Variants in SPOCK1 observed in about 807,000 individuals in gnomAD.
The protein encoded by SPOCK1 is testican-1.
Under a neutral mutation model 55.3 loss-of-function variants are expected in SPOCK1, and 23 were observed. That is an observed-to-expected ratio of 0.42 (90% CI 0.30 to 0.59). The LOEUF (loss-of-function observed/expected upper bound fraction) is 0.59, where lower values mean the gene tolerates loss of function less well. SPOCK1 is among the 20% of genes least tolerant of loss of function. The pLI is 0.22. For missense variants in SPOCK1, 499 were observed against 552.5 expected, an observed-to-expected ratio of 0.90 and a Z score of 0.97; for synonymous variants, 226 against 221.0, an observed-to-expected ratio of 1.02 and a Z score of -0.20.
At chr5:137,177,516 A>G (rs1260026464) in intron 3 of SPOCK1, among the ~76,000 whole-genome samples, 2 of 152,158 alleles carry the variant, frequency 1.3e-5, no homozygotes. Flanking sequence ...GGTGGGAATC[A>G]TGCAGTCGTG....
intron 2 of SPOCK1, among the ~76,000 whole-genome samples, chr5:137,473,327 G>A (rs1324924979): frequency 6.6e-6 from 1 of 152,134 alleles, no homozygotes; most frequent in Non-Finnish European, 1.5e-5. Flanking sequence ...CTGTTTCCAT[G>A]TATTGTTAAG....
chr5:137,273,650 A>G (rs560018359), intron 2 of SPOCK1, among the ~76,000 whole-genome samples: 2 of 152,332 alleles, frequency 1.3e-5, no homozygotes, highest in East Asian at 3.9e-4. Flanking sequence ...AGTGATCTAT[A>G]TCATTGCTGC....
chr5:137,278,669 T>C (rs975892058), intron 2 of SPOCK1, among the ~76,000 whole-genome samples: 6 of 152,150 alleles, frequency 3.9e-5, no homozygotes, highest in African/African-American at 1.4e-4. Context: ...TCTGTAATTG[T>C]TGTAACACAA....
chr5:137,046,608 T>G (rs891682146), intron 6 of SPOCK1, among the ~76,000 whole-genome samples: 2 of 81,720 alleles, frequency 2.4e-5, no homozygotes, highest in Non-Finnish European at 4.9e-5. Context: ...ACTTCCTCTT[T>G]TCCTAATTGA....
intron 2 of SPOCK1, among the ~76,000 whole-genome samples, chr5:137,412,524 A>G (rs1752232343): frequency 6.6e-6 from 1 of 152,202 alleles, no homozygotes; most frequent in Non-Finnish European, 1.5e-5. Context: ...GGAGGGACAC[A>G]ATGGAAGCGC....
At chr5:137,430,656 G>C (rs1752724768) in intron 2 of SPOCK1, among the ~76,000 whole-genome samples, 1 of 152,140 alleles carries the variant, frequency 6.6e-6, no homozygotes, top group Non-Finnish European at 1.5e-5. Context: ...TCCTTGGTTG[G>C]AGAAGATTTT....
intron 8 of SPOCK1, among the ~76,000 whole-genome samples, chr5:136,987,382 C>T (rs17599592): frequency 0.061 from 9,318 of 152,184 alleles, 426 homozygotes; most frequent in Non-Finnish European, 0.093. Context: ...AACATATAGA[C>T]ATTTCCAGAA....
At chr5:137,218,562 A>G (rs1755762669) in intron 3 of SPOCK1, among the ~76,000 whole-genome samples, 1 of 152,252 alleles carries the variant, frequency 6.6e-6, no homozygotes, top group Admixed American at 6.5e-5. Flanking sequence ...GAATTAAGCA[A>G]AAGAACAACA....
intron 2 of SPOCK1, among the ~76,000 whole-genome samples, chr5:137,316,621 T>C (rs1461106951): frequency 4.6e-5 from 7 of 152,170 alleles, no homozygotes; most frequent in Non-Finnish European, 7.3e-5. Context: ...AGGAGTATTT[T>C]TGGATGCCTT....
At chr5:137,498,257 C>A in intron 2 of SPOCK1, 116 bp downstream of exon 2, 1 of 1,063,256 alleles carries the variant, frequency 9.4e-7, no homozygotes, top group Non-Finnish European at 1.2e-6. Context: ...CCACCTGTCC[C>A]CCTCCCAACC....
chr5:137,169,979 G>T (rs1467285145), intron 3 of SPOCK1, among the ~76,000 whole-genome samples: 3 of 152,194 alleles, frequency 2.0e-5, no homozygotes, highest in African/African-American at 7.2e-5. Flanking sequence ...ACAGGGAAAA[G>T]AGATATACCC....
At chr5:137,123,973 T>C (rs976512432) in intron 4 of SPOCK1, among the ~76,000 whole-genome samples, 7 of 152,004 alleles carry the variant, frequency 4.6e-5, no homozygotes, top group African/African-American at 1.7e-4. Flanking sequence ...GGAGCACAAC[T>C]TCATCACCCC....
chr5:137,464,596 G>A (rs1408471870), intron 2 of SPOCK1, among the ~76,000 whole-genome samples: 1 of 151,134 alleles, frequency 6.6e-6, no homozygotes, highest in African/African-American at 2.4e-5. Flanking sequence ...GTGGGGTGGG[G>A]TGGGGTGGTA....
chr5:137,049,009 C>A (rs200927125), intron 6 of SPOCK1, among the ~76,000 whole-genome samples: 73,652 of 125,146 alleles, frequency 0.59, 24,460 homozygotes, highest in Non-Finnish European at 0.76. Flanking sequence ...CCGAGAGATC[C>A]GCTGTTAGTC....
intron 9 of SPOCK1, among the ~76,000 whole-genome samples, chr5:136,983,594 G>GT (rs1171671272): frequency 6.8e-6 from 1 of 146,028 alleles, no homozygotes; most frequent in African/African-American, 2.5e-5. Flanking sequence ...AAGTGAACAT[G>GT]TAGAGAGCTG....
intron 2 of SPOCK1, among the ~76,000 whole-genome samples, chr5:137,418,791 A>C (rs774791835): frequency 6.6e-6 from 1 of 152,164 alleles, no homozygotes; most frequent in African/African-American, 2.4e-5. Flanking sequence ...GCTGTGCAGA[A>C]GCTCTCCAGT....
intron 2 of SPOCK1, among the ~76,000 whole-genome samples, chr5:137,384,545 C>A (rs1751557079): frequency 7.0e-6 from 1 of 142,790 alleles, no homozygotes; most frequent in Non-Finnish European, 1.5e-5. Context: ...TGTATATATA[C>A]ACACATATAC....
intron 6 of SPOCK1, 151 bp downstream of exon 6, chr5:137,067,564 G>A (rs572317905): frequency 2.0e-4 from 118 of 600,218 alleles, no homozygotes; most frequent in African/African-American, 1.9e-3. Context: ...AAGGCAATTC[G>A]GTTTAGGGTC....
intron 6 of SPOCK1, among the ~76,000 whole-genome samples, chr5:136,993,350 G>T (rs1269537729): frequency 3.9e-5 from 6 of 152,122 alleles, no homozygotes; most frequent in Non-Finnish European, 8.8e-5. Flanking sequence ...AAAACTTGAG[G>T]AAAGAAATCC....
Sources: gnomAD v4.1 joint callset for allele counts (sites outside exome capture counted in the v4.1 genomes callset) on GRCh38, gnomAD v4.1.1 for gene constraint, MANE v1.5 for transcripts, NCBI Gene and HGNC (gene_info 2026-07-23, HGNC 2026-07-21) for gene names.